NSD1: variants seen among roughly 807,000 people sequenced by gnomAD.
The protein encoded by NSD1 is histone-lysine N-methyltransferase, H3 lysine-36 specific.
In NSD1, 26 loss-of-function variants were observed where a neutral mutation model predicts 242.7. The ratio of observed to expected loss-of-function variants is 0.11; its 90% CI spans 0.08 to 0.15. NSD1 has a LOEUF of 0.15. Ranked by LOEUF, NSD1 falls within the 10% of genes least tolerant of loss-of-function variation. The pLI is 1.00. For synonymous variants in NSD1, 1,106 were observed against 1,178.1 expected, an observed-to-expected ratio of 0.94 and a Z score of 1.25; for missense variants, 2,495 against 3,272.8, an observed-to-expected ratio of 0.76 and a Z score of 5.80.
chr5:177,138,874 G>A (rs1756572083), intron 2 of NSD1, among the ~76,000 whole-genome samples: 1 of 150,214 alleles, frequency 6.7e-6, no homozygotes, highest in Non-Finnish European at 1.5e-5. Flanking sequence ...CCTGACCTCA[G>A]GTGATCCACC....
At chr5:177,201,463 G>A (rs925148303) in intron 3 of NSD1, among the ~76,000 whole-genome samples, 2 of 151,882 alleles carry the variant, frequency 1.3e-5, no homozygotes, top group African/African-American at 4.8e-5. Flanking sequence ...TCTAGTTTAT[G>A]ATAGTGTTTA....
intron 2 of NSD1, chr5:177,137,026 A>G (rs1371114648): frequency 2.9e-5 from 15 of 511,846 alleles, no homozygotes; most frequent in East Asian, 1.9e-4. Context: ...AATGGAGAGT[A>G]TCTTATTTGA....
intron 2 of NSD1, among the ~76,000 whole-genome samples, chr5:177,186,795 C>A (rs1297113094): frequency 6.6e-6 from 1 of 151,966 alleles, no homozygotes; most frequent in Admixed American, 6.6e-5. Flanking sequence ...TCGAAAGCAG[C>A]CTGGGGAACA....
intron 5 of NSD1, among the ~76,000 whole-genome samples, chr5:177,212,487 CTT>C (rs34930823): frequency 4.7e-5 from 6 of 126,950 alleles, no homozygotes; most frequent in Non-Finnish European, 9.5e-5. Flanking sequence ...CTCTCTCTCT[CTT>C]TTTTTTTTTT....
At chr5:177,138,729 T>C (rs1388418989) in intron 2 of NSD1, among the ~76,000 whole-genome samples, 3 of 151,862 alleles carry the variant, frequency 2.0e-5, no homozygotes, top group African/African-American at 4.8e-5. Context: ...AATCTCCGCC[T>C]TCTGGGTTCA....
intron 2 of NSD1, among the ~76,000 whole-genome samples, chr5:177,172,719 G>T (rs1759815318): frequency 6.6e-6 from 1 of 152,164 alleles, no homozygotes; most frequent in South Asian, 2.1e-4. Context: ...AGCATTTTGA[G>T]AGGTTGAGGT....
At chr5:177,201,707 T>C (rs1373245160) in intron 3 of NSD1, among the ~76,000 whole-genome samples, 2 of 151,496 alleles carry the variant, frequency 1.3e-5, no homozygotes, top group Non-Finnish European at 2.9e-5. Context: ...TACAGGCAAG[T>C]TGCACCACGC....
intron 5 of NSD1, among the ~76,000 whole-genome samples, chr5:177,222,436 A>G (rs1474220201): frequency 6.6e-6 from 1 of 152,158 alleles, no homozygotes; most frequent in Non-Finnish European, 1.5e-5. Flanking sequence ...GATGTTTTGC[A>G]AGGCTGCTTT....
chr5:177,224,929 A>T (rs186821978), intron 5 of NSD1, among the ~76,000 whole-genome samples: 1 of 151,790 alleles, frequency 6.6e-6, no homozygotes, highest in Admixed American at 6.6e-5. Flanking sequence ...TTCCCCCTTT[A>T]TTCTATCCAT....
At chr5:177,272,579 G>A (rs188487181) in intron 16 of NSD1, among the ~76,000 whole-genome samples, 1 of 152,262 alleles carries the variant, frequency 6.6e-6, no homozygotes, top group Admixed American at 6.5e-5. Context: ...TTCAGATACT[G>A]CAATCTTTTA....
chr5:177,286,975 G>A (rs1759388625), intron 20 of NSD1, among the ~76,000 whole-genome samples: 2 of 152,336 alleles, frequency 1.3e-5, no homozygotes, highest in Admixed American at 6.5e-5. Context: ...GCCTATCAGA[G>A]CTGAGGCCTT....
chr5:177,275,064 G>A (rs1162822622), intron 17 of NSD1, among the ~76,000 whole-genome samples: 1 of 151,178 alleles, frequency 6.6e-6, no homozygotes, highest in Non-Finnish European at 1.5e-5. Flanking sequence ...AATCTGAGAT[G>A]CTACTTGGAG....
At position 177,246,799 on chromosome 5, in the gene NSD1, A is replaced by G; in HGVS notation, c.4497+3A>G. 6.3e-7 allele frequency: 1 copy of G among 1,595,276 alleles called. No homozygotes were observed. Reference sequence around the variant, plus strand: ...CAAAAGAGATTCCAGGCTCAGAGGTATTACTCAGTTCCTGATCTTTTCACC... The same window carrying G: ...CAAAAGAGATTCCAGGCTCAGAGGTGTTACTCAGTTCCTGATCTTTTCACC... On this transcript the variant is annotated splice_donor_region_variant and intron_variant, in intron 10 of 22. Transcript: ENST00000439151.
At chr5:177,220,626 G>A (rs1047684973) in intron 5 of NSD1, among the ~76,000 whole-genome samples, 3 of 137,882 alleles carry the variant, frequency 2.2e-5, no homozygotes, top group Non-Finnish European at 4.5e-5. Flanking sequence ...CTGGAGTGCA[G>A]TGGCATGATC....
chr5:177,279,264 C>T (rs1206583787), intron 17 of NSD1, among the ~76,000 whole-genome samples: 3 of 152,156 alleles, frequency 2.0e-5, no homozygotes, highest in Admixed American at 2.0e-4. Context: ...GGCAGATCAC[C>T]TGAGGTCAGG....
At position 177,271,478 on chromosome 5, in the gene NSD1, T is replaced by C. The variant is rs373832782; in HGVS notation, c.5509+1671T>C. 5.9e-5 allele frequency among the ~76,000 whole-genome samples: 9 copies of C among 152,262 alleles called. No homozygotes were observed. The East Asian group carries it at 1.2e-3, about 20-fold the overall frequency. Reference sequence around the variant, plus strand: ...AATGTTAAAGTACTCGCCTAACATATCAGTACCAGTAAGTGATAGAGGAAT... The same window carrying C: ...AATGTTAAAGTACTCGCCTAACATACCAGTACCAGTAAGTGATAGAGGAAT... On this transcript the variant is annotated intron_variant, in intron 16 of 22. Transcript: ENST00000439151.
intron 2 of NSD1, among the ~76,000 whole-genome samples, chr5:177,164,489 T>C (rs1411073908): frequency 6.6e-6 from 1 of 152,164 alleles, no homozygotes; most frequent in Non-Finnish European, 1.5e-5. Flanking sequence ...TATGAGGATT[T>C]ATTTCCTTGT....
chr5:177,252,865 C>T (rs537885316), intron 12 of NSD1, among the ~76,000 whole-genome samples: 1 of 145,508 alleles, frequency 6.9e-6, no homozygotes, highest in Non-Finnish European at 1.5e-5. Context: ...GAAATCAGGG[C>T]TGAGGTATAG....
At chr5:177,139,698 T>C (rs1268155876) in intron 2 of NSD1, among the ~76,000 whole-genome samples, 1 of 152,174 alleles carries the variant, frequency 6.6e-6, no homozygotes, top group African/African-American at 2.4e-5. Flanking sequence ...CTAACACCTG[T>C]AATTCTAGCA....
Sources: allele counts gnomAD v4.1 joint callset (sites outside exome capture counted in the v4.1 genomes callset), GRCh38; gene constraint gnomAD v4.1.1; transcripts MANE v1.5; gene names NCBI Gene and HGNC (gene_info 2026-07-23, HGNC 2026-07-21).